The following CMIP variants were observed in gnomAD, a reference collection of about 807,000 sequenced individuals.
CMIP encodes C-Maf-inducing protein.
In CMIP, 13 loss-of-function variants were observed where a neutral mutation model predicts 97.3. That is an observed-to-expected ratio of 0.13 (90% CI 0.09 to 0.21). CMIP has a LOEUF of 0.21. CMIP is among the 10% of genes least tolerant of loss of function. The probability of loss-of-function intolerance (pLI) is 1.00; values close to 1 mark genes in which losing one functional copy is unlikely to be tolerated. For synonymous variants in CMIP, 538 were observed against 436.3 expected, an observed-to-expected ratio of 1.23 and a Z score of -2.91; for missense variants, 847 against 1,024.9, an observed-to-expected ratio of 0.83 and a Z score of 2.37.
At chr16:81,624,897 C>G (rs1363899157) in intron 3 of CMIP, among the ~76,000 whole-genome samples, 1 of 152,206 alleles carries the variant, frequency 6.6e-6, no homozygotes, top group Non-Finnish European at 1.5e-5. Flanking sequence ...GTGGCATCAG[C>G]TCAGAACTTT....
intron 1 of CMIP, among the ~76,000 whole-genome samples, chr16:81,555,617 C>G (rs2150863826): frequency 6.6e-6 from 1 of 152,312 alleles, no homozygotes; most frequent in Admixed American, 6.5e-5. Context: ...TGAGATGACC[C>G]CATTTCCCTA....
intron 1 of CMIP, among the ~76,000 whole-genome samples, chr16:81,547,143 T>G (rs1486104316): frequency 6.6e-6 from 1 of 151,900 alleles, no homozygotes; most frequent in Non-Finnish European, 1.5e-5. Flanking sequence ...GGTGTTTAAG[T>G]CAAGTGAGGA....
Position 81,571,576 on chromosome 16 carries a change from C to G in CMIP, c.301-35991C>G, listed in dbSNP as rs189161845. Among the ~76,000 whole-genome samples, 7 of 118,270 alleles carry G rather than the reference C, an allele frequency of 5.9e-5. No individual in the cohort carries two copies. The East Asian group carries it at 1.7e-3, about 30-fold the overall frequency. The allele number at this position is 118,270 out of a possible 152,430, so 77.6% of individuals were successfully genotyped here. A position where few individuals can be genotyped will look rare whatever the true frequency, so the allele number is the denominator to read the frequency against. ...ACCAGTTTGGGCAACATAGTGAGATCTCATCTCTACCAAAAAAAAAAAAAA... is the reference window on the plus strand; with the variant it reads ...ACCAGTTTGGGCAACATAGTGAGATGTCATCTCTACCAAAAAAAAAAAAAA... On this transcript the variant is annotated intron_variant, in intron 1 of 20. Transcript: ENST00000537098.
At chr16:81,451,887 T>C (rs1425791213) in intron 1 of CMIP, among the ~76,000 whole-genome samples, 1 of 152,210 alleles carries the variant, frequency 6.6e-6, no homozygotes, top group Admixed American at 6.5e-5. Flanking sequence ...TTCTCTTCCT[T>C]GCTCCTGGCT....
chr16:81,495,842 C>T (rs1381664175), intron 1 of CMIP, among the ~76,000 whole-genome samples: 1 of 145,688 alleles, frequency 6.9e-6, no homozygotes, highest in Non-Finnish European at 1.6e-5. Flanking sequence ...CTGTCATTTT[C>T]TTTCCACCTC....
At chr16:81,692,836 A>G (rs1906253920) in intron 11 of CMIP, among the ~76,000 whole-genome samples, 1 of 152,142 alleles carries the variant, frequency 6.6e-6, no homozygotes, top group African/African-American at 2.4e-5. Flanking sequence ...ATTAATGAAC[A>G]CACCTGGGTC....
At chr16:81,645,183 C>A (rs1208541942) in intron 3 of CMIP, among the ~76,000 whole-genome samples, 3 of 152,244 alleles carry the variant, frequency 2.0e-5, no homozygotes, top group Non-Finnish European at 4.4e-5. Flanking sequence ...CTGGTAGCTT[C>A]TGGACTAGGC....
chr16:81,610,600 G>A, intron 2 of CMIP: 1 of 937,932 alleles, frequency 1.1e-6, no homozygotes, highest in Non-Finnish European at 1.3e-6. Context: ...ATTTCCGTCA[G>A]GGGAGGTAGA....
At chr16:81,600,453 A>C (rs1319828735) in intron 1 of CMIP, among the ~76,000 whole-genome samples, 1 of 152,126 alleles carries the variant, frequency 6.6e-6, no homozygotes, top group Non-Finnish European at 1.5e-5. Flanking sequence ...GCACAGATAA[A>C]CCTCAAAAAC....
intron 10 of CMIP, among the ~76,000 whole-genome samples, chr16:81,691,118 GC>G (rs1228445912): frequency 2.0e-5 from 3 of 152,140 alleles, no homozygotes; most frequent in African/African-American, 7.2e-5. Flanking sequence ...ACATTAGTTT[GC>G]TAGGACTGCT....
chr16:81,589,048 G>T (rs139267597), intron 1 of CMIP, among the ~76,000 whole-genome samples: 7 of 151,984 alleles, frequency 4.6e-5, no homozygotes, highest in African/African-American at 1.7e-4. Flanking sequence ...AACATATTCC[G>T]GTGCTCAGAA....
chr16:81,455,276 C>T (rs982071981), intron 1 of CMIP, among the ~76,000 whole-genome samples: 1 of 152,218 alleles, frequency 6.6e-6, no homozygotes, highest in Non-Finnish European at 1.5e-5. Context: ...AGTGTGTTTC[C>T]TCTTGCCAGG....
intron 18 of CMIP, among the ~76,000 whole-genome samples, chr16:81,704,902 T>G (rs1366092639): frequency 6.6e-6 from 1 of 151,764 alleles, no homozygotes; most frequent in Non-Finnish European, 1.5e-5. Context: ...CCTGAGGTTC[T>G]GAGAGGTAGA....
chr16:81,647,244 C>A (rs547002051), intron 3 of CMIP, among the ~76,000 whole-genome samples: 1 of 152,198 alleles, frequency 6.6e-6, no homozygotes, highest in African/African-American at 2.4e-5. Flanking sequence ...TACTCCTAGG[C>A]TGGAATTTGA....
intron 1 of CMIP, among the ~76,000 whole-genome samples, chr16:81,508,798 C>A (rs1290687116): frequency 6.6e-6 from 1 of 152,212 alleles, no homozygotes; most frequent in Non-Finnish European, 1.5e-5. Flanking sequence ...GCCTGAGGGA[C>A]CCACGTAGGC....
chr16:81,568,024 A>AGT lies in CMIP; in HGVS notation c.301-39528_301-39527dup, dbSNP rs555314806. ...TAGACTGGATGACCGTGAGCTTTTC[A>AGT]GTGTGTGTGTGTGTGTTTTTTTTTT... On this transcript the variant is annotated intron_variant, in intron 1 of 20. Transcript: ENST00000537098. Among the ~76,000 whole-genome samples the AGT allele has an allele frequency of 3.9e-4, 44 of 111,550 alleles. 2 individuals are homozygous for AGT. Among genetic ancestry groups the AGT allele is most frequent in the Middle Eastern group, 4.8e-3 (1 of 210 alleles). 73.2% of individuals were successfully genotyped at this position (111,550 alleles called of 152,430 possible). A position where few individuals can be genotyped will look rare whatever the true frequency, so the allele number is the denominator to read the frequency against.
chr16:81,681,002 C>T (rs1227936349), intron 10 of CMIP, among the ~76,000 whole-genome samples: 1 of 152,204 alleles, frequency 6.6e-6, no homozygotes, highest in Non-Finnish European at 1.5e-5. Context: ...CCCCCATCTG[C>T]GTCCAGACCC....
intron 7 of CMIP, among the ~76,000 whole-genome samples, 187 bp from the exon 8 acceptor site, chr16:81,669,955 G>T (rs1364326457): frequency 6.6e-6 from 1 of 152,236 alleles, no homozygotes; most frequent in East Asian, 1.9e-4. Flanking sequence ...AAGCGCGGGT[G>T]TCGCAGTGCT....
chr16:81,663,172 A>G (rs2092566135), intron 6 of CMIP, among the ~76,000 whole-genome samples: 1 of 152,088 alleles, frequency 6.6e-6, no homozygotes. Context: ...ACCTGTCCAC[A>G]CAAACATCTA....
Sources: gnomAD v4.1 joint callset for allele counts (sites outside exome capture counted in the v4.1 genomes callset) on GRCh38, gnomAD v4.1.1 for gene constraint, MANE v1.5 for transcripts, NCBI Gene and HGNC (gene_info 2026-07-23, HGNC 2026-07-21) for gene names.